Variants in RIMKLB observed in about 807,000 individuals in gnomAD.
RIMKLB encodes the protein beta-citrylglutamate synthase B.
A neutral mutation model predicts 32.0 loss-of-function variants in RIMKLB; 7 were observed. The ratio of observed to expected loss-of-function variants is 0.22; its 90% confidence interval spans 0.12 to 0.41. The LOEUF (loss-of-function observed/expected upper bound fraction) is 0.41. Among genes scored for constraint, RIMKLB ranks in the 10% least tolerant of loss-of-function variants. RIMKLB has a pLI of 1.00. For synonymous variants in RIMKLB, 172 were observed against 185.1 expected, an observed-to-expected ratio of 0.93 and a Z score of 0.57; for missense variants, 289 against 498.7, an observed-to-expected ratio of 0.58 and a Z score of 4.00.
At chr12:8,716,249 C>G (rs994204384) in intron 2 of RIMKLB, among the ~76,000 whole-genome samples, 1 of 152,218 alleles carries the variant, frequency 6.6e-6, no homozygotes, top group Middle Eastern at 3.4e-3. Flanking sequence ...AACCATTGCT[C>G]TTGATATTTT....
At chr12:8,686,991 G>A (rs1942596693) in intron 1 of RIMKLB, among the ~76,000 whole-genome samples, 1 of 152,132 alleles carries the variant, frequency 6.6e-6, no homozygotes, top group South Asian at 2.1e-4. Context: ...TGTGTCTGTG[G>A]TGGGGTAAGA....
chr12:8,749,334 C>T (rs1948431008), intron 2 of RIMKLB, among the ~76,000 whole-genome samples: 1 of 152,106 alleles, frequency 6.6e-6, no homozygotes, highest in Non-Finnish European at 1.5e-5. Flanking sequence ...CCTCAGCCTC[C>T]CGAGTAGCTG....
downstream of RIMKLB, chr12:8,777,701 G>A: frequency 1.6e-6 from 2 of 1,285,310 alleles, no homozygotes; most frequent in Non-Finnish European, 2.0e-6. Flanking sequence ...GAACTTTCGG[G>A]GTCAGTGCCC....
chr12:8,732,714 C>CG (rs1353652342), intron 2 of RIMKLB, among the ~76,000 whole-genome samples: 7 of 151,626 alleles, frequency 4.6e-5, no homozygotes, highest in African/African-American at 1.7e-4. Context: ...AATATTCTTC[C>CG]GGGGGAAAGC....
At chr12:8,682,803 T>A (rs1202301328) in intron 1 of RIMKLB, among the ~76,000 whole-genome samples, 6 of 132,382 alleles carry the variant, frequency 4.5e-5, no homozygotes, top group Non-Finnish European at 7.9e-5. Context: ...ATAAATAAAT[T>A]AAAAAAAAAA....
chr12:8,770,203 T>A (rs182059263), intron 5 of RIMKLB, among the ~76,000 whole-genome samples: 1 of 152,222 alleles, frequency 6.6e-6, no homozygotes, highest in Non-Finnish European at 1.5e-5. Flanking sequence ...CCTCAGGTGA[T>A]CTGTTCGCCT....
intron 2 of RIMKLB, among the ~76,000 whole-genome samples, chr12:8,715,090 A>G (rs1944699200): frequency 1.3e-5 from 2 of 152,204 alleles, no homozygotes; most frequent in Admixed American, 6.5e-5. Flanking sequence ...CACACTAAGT[A>G]TAATCTCTTA....
chr12:8,685,763 C>T (rs575823703), intron 1 of RIMKLB, among the ~76,000 whole-genome samples: 2 of 151,792 alleles, frequency 1.3e-5, no homozygotes, highest in South Asian at 4.2e-4. Flanking sequence ...CTTGCCTCAG[C>T]TTCCCAAGTA....
In RIMKLB at chr12:8,774,572, CTT is replaced by C. The variant is rs56912350; in HGVS notation, c.*803_*804del. On this transcript the variant is annotated 3_prime_UTR_variant, in exon 6 of 6. Transcript: ENST00000535829. Reference sequence around the variant, plus strand: ...TGAAAGATGTGCTCTGTTAATGTTGCTTTTTTTTTTTTTTTTAATACATGCTA... The same window carrying C: ...TGAAAGATGTGCTCTGTTAATGTTGCTTTTTTTTTTTTTTAATACATGCTA... 0.013 allele frequency: 11,159 copies of C among 834,852 alleles called. 1 individual carries two copies. The highest frequency in any genetic ancestry group is 0.014 in the Non-Finnish European group (10,087 of 712,402). 51.7% of individuals were successfully genotyped at this position (834,852 alleles called of 1,614,324 possible).
the RIMKLB span, among the ~76,000 whole-genome samples, chr12:8,674,135 G>A: frequency 2.0e-3 from 307 of 150,748 alleles, 3 homozygotes; most frequent in Non-Finnish European, 3.4e-3. Flanking sequence ...AAGCCTCATC[G>A]TTTTAACAGA....
intron 5 of RIMKLB, among the ~76,000 whole-genome samples, chr12:8,770,749 C>G (rs1375450900): frequency 1.3e-5 from 2 of 152,178 alleles, no homozygotes; most frequent in South Asian, 4.1e-4. Flanking sequence ...ACCATCAGAT[C>G]TGACAGGTTG....
chr12:8,717,364 TCA>T (rs932837566), intron 2 of RIMKLB, among the ~76,000 whole-genome samples: 3 of 152,238 alleles, frequency 2.0e-5, no homozygotes, highest in Non-Finnish European at 4.4e-5. Flanking sequence ...TGCAATGTTT[TCA>T]CAGTCAGGTT....
intron 2 of RIMKLB, among the ~76,000 whole-genome samples, chr12:8,733,319 A>AG (rs980704233): frequency 6.6e-6 from 1 of 151,848 alleles, no homozygotes. Flanking sequence ...AAAAAAAAAA[A>AG]GACTCATTTT....
At chr12:8,738,220 T>A (rs1947197056) in intron 2 of RIMKLB, among the ~76,000 whole-genome samples, 1 of 152,142 alleles carries the variant, frequency 6.6e-6, no homozygotes, top group Non-Finnish European at 1.5e-5. Flanking sequence ...TTTTGTATTT[T>A]TTTGTAGAGA....
upstream of RIMKLB, among the ~76,000 whole-genome samples, chr12:8,681,410 A>C (rs752879378): frequency 6.6e-6 from 1 of 152,316 alleles, no homozygotes; most frequent in Non-Finnish European, 1.5e-5. Flanking sequence ...AGATCTTAAA[A>C]TCCTTGGAAT....
upstream of RIMKLB, among the ~76,000 whole-genome samples, chr12:8,695,282 G>T (rs1942854698): frequency 7.1e-6 from 1 of 141,096 alleles, no homozygotes; most frequent in African/African-American, 2.6e-5. Context: ...GCATGATTAT[G>T]TCAAGAAAAA....
At chr12:8,768,975 T>C (rs1950192326) in intron 5 of RIMKLB, among the ~76,000 whole-genome samples, 1 of 152,202 alleles carries the variant, frequency 6.6e-6, no homozygotes, top group South Asian at 2.1e-4. Flanking sequence ...TTGTTTTCAT[T>C]ATATCTCTCT....
chr12:8,675,660 C>T, the RIMKLB span, among the ~76,000 whole-genome samples: 1 of 152,156 alleles, frequency 6.6e-6, no homozygotes, highest in African/African-American at 2.4e-5. Context: ...GTTAAGGGTT[C>T]ATTTATATAG....
chr12:8,701,135 AAG>A (rs1438814889), intron 1 of RIMKLB, among the ~76,000 whole-genome samples: 2 of 152,182 alleles, frequency 1.3e-5, no homozygotes, highest in African/African-American at 2.4e-5. Flanking sequence ...ATAGTGAAAA[AAG>A]TATTATTTTT....
Sources: gnomAD v4.1 joint callset for allele counts (sites outside exome capture counted in the v4.1 genomes callset) on GRCh38, gnomAD v4.1.1 for gene constraint, MANE v1.5 for transcripts, NCBI Gene and HGNC (gene_info 2026-07-23, HGNC 2026-07-21) for gene names.